PALM2AKAP2: variants seen among roughly 807,000 people sequenced by gnomAD.
PALM2AKAP2 encodes the protein PALM2-AKAP2 fusion protein.
In PALM2AKAP2, 37 loss-of-function variants were observed where a neutral mutation model predicts 71.5. That is an observed-to-expected ratio of 0.52 (90% CI 0.40 to 0.68). The LOEUF is 0.68. Ranked by LOEUF, PALM2AKAP2 falls within the 30% of genes least tolerant of loss-of-function variation. PALM2AKAP2 has a pLI of 0.00. For synonymous variants in PALM2AKAP2, 468 were observed against 478.8 expected, an observed-to-expected ratio of 0.98 and a Z score of 0.29; for missense variants, 1,224 against 1,191.8, an observed-to-expected ratio of 1.03 and a Z score of -0.40.
intron 6 of PALM2AKAP2, among the ~76,000 whole-genome samples, chr9:110,001,521 T>C (rs1164901893): frequency 9.2e-5 from 14 of 152,220 alleles, no homozygotes; most frequent in Admixed American, 9.2e-4. Context: ...CCATATGAAC[T>C]TTAAAGTAGT....
chr9:109,837,654 C>A (rs2131566767), intron 1 of PALM2AKAP2, among the ~76,000 whole-genome samples: 1 of 152,052 alleles, frequency 6.6e-6, no homozygotes, highest in South Asian at 2.1e-4. Flanking sequence ...CAGAGACACA[C>A]ATAGGCTCAA....
At chr9:110,067,954 A>G (rs1243377621) in intron 1 of PALM2AKAP2, among the ~76,000 whole-genome samples, 1 of 142,166 alleles carries the variant, frequency 7.0e-6, no homozygotes, top group Non-Finnish European at 1.5e-5. Context: ...TCATTTTGAC[A>G]AAATCTTTTA....
At chr9:109,878,237 G>A (rs1055527274) in intron 2 of PALM2AKAP2, among the ~76,000 whole-genome samples, 2 of 152,150 alleles carry the variant, frequency 1.3e-5, no homozygotes, top group African/African-American at 4.8e-5. Context: ...TGTAAAAACT[G>A]TACATTTTAA....
intron 3 of PALM2AKAP2, among the ~76,000 whole-genome samples, chr9:110,167,106 TATCACGAGAACAGCATGGGAAA>T (rs1456083304): frequency 1.3e-5 from 2 of 152,172 alleles, no homozygotes; most frequent in Non-Finnish European, 2.9e-5. Context: ...ACTTATTCAC[TATCACGAGAACAGCATGGGAAA>T]ACTCGCTCCC....
chr9:109,686,925 G>A (rs998990299), intron 1 of PALM2AKAP2, among the ~76,000 whole-genome samples: 3 of 150,960 alleles, frequency 2.0e-5, no homozygotes, highest in Non-Finnish European at 2.9e-5. Flanking sequence ...AGAATATGCA[G>A]TGTTTGGTTT....
chr9:109,867,325 C>T lies in PALM2AKAP2; in HGVS notation c.46-166C>T, dbSNP rs566665157. On this transcript the variant is annotated intron_variant, in intron 1 of 9. Coordinates refer to the PALM2AKAP2 transcript ENST00000302798. The stretch of plus-strand genomic sequence containing the variant: ...CAGACATGTTAGGAGAATGCTGCTG[C>T]TTGCAACACACCCAGAGACGGTGGG... 49 of 679,478 alleles carry T rather than the reference C, an allele frequency of 7.2e-5. 1 individual carries two copies. The East Asian group carries it at 1.5e-3, about 20-fold the overall frequency. The allele number at this position is 679,478 out of a possible 1,614,324, so 42.1% of individuals were successfully genotyped here.
chr9:110,087,554 C>T (rs1285668939), intron 1 of PALM2AKAP2, among the ~76,000 whole-genome samples: 1 of 152,164 alleles, frequency 6.6e-6, no homozygotes, highest in Non-Finnish European at 1.5e-5. Context: ...AGTTCCTTGT[C>T]ATTTGAATGC....
rs952992445 is a variant in PALM2AKAP2 at position 110,064,058 on chromosome 9, G to C, written c.156+15203G>C. On this transcript the variant is annotated intron_variant, in intron 1 of 3. Coordinates refer to ENST00000374525, the Ensembl canonical transcript of PALM2AKAP2. ...CCCTTAGGAGCTTCCACGGACCAAA[G>C]TGAAACACCCAGGGGTGGAGGGGGT... Among the ~76,000 whole-genome samples, 6 of 152,124 alleles carry C rather than the reference G, an allele frequency of 3.9e-5. No homozygotes were observed. In the South Asian group the frequency reaches 8.3e-4, roughly 21 times the overall value.
chr9:109,997,814 G>T (rs1453592394), intron 6 of PALM2AKAP2, among the ~76,000 whole-genome samples: 3 of 152,214 alleles, frequency 2.0e-5, no homozygotes, highest in African/African-American at 7.2e-5. Flanking sequence ...GGACGGGGTT[G>T]CATCCTGCCC....
rs190156863 is a variant in PALM2AKAP2, at chr9:109,784,969, G to T, written c.45+4436G>T. Among the ~76,000 whole-genome samples the T allele has an allele frequency of 2.0e-5, 3 of 152,308 alleles. No homozygotes were observed. The East Asian group carries it at 5.8e-4, about 29-fold the overall frequency. ...TACCCAACATAAAATTTAATGGAAC[G>T]AGTAACATTCCCATGGGGAAGAAGC... On this transcript the variant is annotated intron_variant, in intron 1 of 9. Coordinates refer to the PALM2AKAP2 transcript ENST00000302798.
chr9:109,851,852 A>T (rs1829030274), intron 1 of PALM2AKAP2, among the ~76,000 whole-genome samples: 1 of 152,186 alleles, frequency 6.6e-6, no homozygotes, highest in South Asian at 2.1e-4. Flanking sequence ...AAATTAAAGG[A>T]CTAAGTACTT....
intron 1 of PALM2AKAP2, among the ~76,000 whole-genome samples, chr9:109,738,594 A>C (rs985752788): frequency 6.6e-6 from 1 of 152,234 alleles, no homozygotes; most frequent in Non-Finnish European, 1.5e-5. Context: ...CCTGGAAAGC[A>C]TTAGGATCTG....
At chr9:109,688,182 A>C (rs1017844651) in intron 1 of PALM2AKAP2, among the ~76,000 whole-genome samples, 2 of 152,252 alleles carry the variant, frequency 1.3e-5, no homozygotes, top group Non-Finnish European at 2.9e-5. Context: ...CGAAGTGTGC[A>C]CAAGCTCTTG....
At chr9:109,927,288 T>C (rs925898273) in intron 5 of PALM2AKAP2, among the ~76,000 whole-genome samples, 4 of 152,236 alleles carry the variant, frequency 2.6e-5, no homozygotes, top group Non-Finnish European at 5.9e-5. Context: ...CACATCCCAG[T>C]TGAGGGACTT....
chr9:109,679,222 G>A (rs1035297333), intron 1 of PALM2AKAP2, among the ~76,000 whole-genome samples: 1 of 152,210 alleles, frequency 6.6e-6, no homozygotes, highest in East Asian at 1.9e-4. Flanking sequence ...AGCTGTACCA[G>A]ATTAGAGGGA....
intron 1 of PALM2AKAP2, among the ~76,000 whole-genome samples, chr9:109,836,304 C>A (rs539634065): frequency 6.6e-6 from 1 of 152,354 alleles, no homozygotes; most frequent in East Asian, 1.9e-4. Context: ...TCCAACAGAC[C>A]TGCAGCTGAG....
intron 1 of PALM2AKAP2, among the ~76,000 whole-genome samples, chr9:109,753,967 C>T (rs1669194279): frequency 6.6e-6 from 1 of 152,188 alleles, no homozygotes; most frequent in African/African-American, 2.4e-5. Flanking sequence ...GGTATAACTA[C>T]TGTCAACACC....
intron 1 of PALM2AKAP2, among the ~76,000 whole-genome samples, chr9:109,740,627 T>A (rs12348280): frequency 0.31 from 46,421 of 152,052 alleles, 7,242 homozygotes; most frequent in Middle Eastern, 0.4. Flanking sequence ...GGACCAGGTT[T>A]TATAGGGCTT....
intron 1 of PALM2AKAP2, among the ~76,000 whole-genome samples, chr9:109,739,414 C>T (rs1246590701): frequency 3.9e-5 from 6 of 152,172 alleles, no homozygotes; most frequent in Non-Finnish European, 8.8e-5. Flanking sequence ...AAATAGATGT[C>T]ATGACTGAAG....
Sources: allele counts gnomAD v4.1 joint callset (sites outside exome capture counted in the v4.1 genomes callset), GRCh38; gene constraint gnomAD v4.1.1; transcripts MANE v1.5; gene names NCBI Gene and HGNC (gene_info 2026-07-23, HGNC 2026-07-21).